Variants in RALGPS1 observed in about 807,000 individuals in gnomAD.
The protein encoded by RALGPS1 is ras-specific guanine nucleotide-releasing factor RalGPS1.
RALGPS1 carries 19 observed loss-of-function variants against 78.8 expected under a neutral mutation model. That is an observed-to-expected ratio of 0.24 (90% confidence interval 0.17 to 0.35). The LOEUF (loss-of-function observed/expected upper bound fraction) is 0.35. Among genes scored for constraint, RALGPS1 ranks in the 10% least tolerant of loss-of-function variants. RALGPS1 has a pLI of 1.00. For synonymous variants in RALGPS1, 228 were observed against 256.3 expected, an observed-to-expected ratio of 0.89 and a Z score of 1.06; for missense variants, 454 against 688.3, an observed-to-expected ratio of 0.66 and a Z score of 3.81.
chr9:126,970,264 C>T (rs891899824), intron 3 of RALGPS1, among the ~76,000 whole-genome samples: 13 of 152,000 alleles, frequency 8.6e-5, no homozygotes, highest in African/African-American at 3.1e-4. Flanking sequence ...GAATATATAC[C>T]ACCAACATCC....
intron 8 of RALGPS1, among the ~76,000 whole-genome samples, chr9:127,158,221 T>G (rs2058812644): frequency 6.6e-6 from 1 of 152,110 alleles, no homozygotes; most frequent in Non-Finnish European, 1.5e-5. Context: ...CATCTAGATA[T>G]TGTATTTTAA....
intron 4 of RALGPS1, among the ~76,000 whole-genome samples, chr9:126,987,202 G>A (rs1441101279): frequency 6.6e-6 from 1 of 152,128 alleles, no homozygotes; most frequent in Non-Finnish European, 1.5e-5. Context: ...CTGGGAGGCT[G>A]AGGTCTGGAC....
chr9:127,039,569 G>A (rs1233248525), intron 5 of RALGPS1, among the ~76,000 whole-genome samples: 2 of 152,178 alleles, frequency 1.3e-5, no homozygotes, highest in Admixed American at 6.5e-5. Flanking sequence ...CCTTAAGGAT[G>A]TGAAGGAGCC....
At chr9:127,197,972 T>A (rs1221505105) in intron 13 of RALGPS1, among the ~76,000 whole-genome samples, 1 of 152,186 alleles carries the variant, frequency 6.6e-6, no homozygotes, top group Non-Finnish European at 1.5e-5. Flanking sequence ...AGCACTCAGC[T>A]GGGCGGCAAA....
chr9:127,112,081 C>T (rs549038841), intron 8 of RALGPS1, among the ~76,000 whole-genome samples: 2 of 152,172 alleles, frequency 1.3e-5, no homozygotes, highest in Admixed American at 6.5e-5. Flanking sequence ...ACCCTGTGCT[C>T]CCTGGGGCCT....
At chr9:126,930,660 G>C (rs1297808055) in intron 1 of RALGPS1, among the ~76,000 whole-genome samples, 1 of 151,920 alleles carries the variant, frequency 6.6e-6, no homozygotes, top group African/African-American at 2.4e-5. Context: ...GTAGAGATGG[G>C]GTTGGCCAAG....
At chr9:127,095,595 G>T (rs2053042422) in intron 8 of RALGPS1, among the ~76,000 whole-genome samples, 1 of 152,188 alleles carries the variant, frequency 6.6e-6, no homozygotes, top group African/African-American at 2.4e-5. Context: ...GCCCTGCAAG[G>T]GAGGAGCTGA....
intron 1 of RALGPS1, 151 bp downstream of exon 1, chr9:126,915,126 G>GC (rs2033975273): frequency 6.9e-6 from 1 of 145,906 alleles, no homozygotes; most frequent in Non-Finnish European, 1.5e-5. Flanking sequence ...CCGGGGAGGG[G>GC]CCTCGGTGCG....
At chr9:126,977,948 C>G (rs2040836485) in intron 4 of RALGPS1, 1 of 450,060 alleles carries the variant, frequency 2.2e-6, no homozygotes, top group Non-Finnish European at 3.9e-6. Context: ...CCCGTCTGGC[C>G]TACTCTGGCA....
chr9:127,007,908 G>A (rs1220918424), intron 4 of RALGPS1, among the ~76,000 whole-genome samples: 1 of 152,208 alleles, frequency 6.6e-6, no homozygotes, highest in Non-Finnish European at 1.5e-5. Context: ...CTGCTCTGTG[G>A]AGAAGAGACC....
Position 127,196,626 on chromosome 9 carries a change from C to T in RALGPS1, c.1190C>T (p.Ser397Phe). Residue 397 changes from serine to phenylalanine, a missense_variant, in exon 13 of 19, where the codon TCC becomes TTC. Coordinates refer to ENST00000259351, the MANE Select transcript of RALGPS1 (RefSeq NM_014636.3). The part of the protein sequence containing the change: ...TSSSAVTNGL[S>F]LGSSESSEFS... Reference sequence around the variant, plus strand: ...TCCTCTGCTGTCACCAATGGACTCTCCCTAGGTAAGCGTCTCCGGCCTGCA... The same window carrying T: ...TCCTCTGCTGTCACCAATGGACTCTTCCTAGGTAAGCGTCTCCGGCCTGCA... The T allele has an allele frequency of 6.3e-7, 1 of 1,595,506 alleles. No individual in the cohort carries two copies. Among genetic ancestry groups the T allele is most frequent in the Non-Finnish European group, 8.5e-7 (1 of 1,169,776 alleles).
chr9:127,154,762 C>T (rs545271799), intron 8 of RALGPS1, among the ~76,000 whole-genome samples: 4 of 152,140 alleles, frequency 2.6e-5, no homozygotes, highest in Admixed American at 1.3e-4. Flanking sequence ...CACAGATACG[C>T]GAGTGCATTA....
At chr9:126,990,693 C>T (rs1247984216) in intron 4 of RALGPS1, among the ~76,000 whole-genome samples, 2 of 152,228 alleles carry the variant, frequency 1.3e-5, no homozygotes, top group African/African-American at 4.8e-5. Context: ...CCTCTCATAG[C>T]CGCCTCATAC....
At chr9:127,172,428 C>A (rs766418597) in intron 10 of RALGPS1, among the ~76,000 whole-genome samples, 11 of 152,174 alleles carry the variant, frequency 7.2e-5, no homozygotes, top group Non-Finnish European at 1.5e-4. Context: ...GGGTTCTGTA[C>A]CAGATTTCCC....
intron 8 of RALGPS1, among the ~76,000 whole-genome samples, chr9:127,114,249 A>T (rs1315663536): frequency 6.6e-6 from 1 of 152,218 alleles, no homozygotes; most frequent in Non-Finnish European, 1.5e-5. Context: ...CAATTTTCTG[A>T]TGCCCACAAA....
At chr9:127,056,708 C>T (rs1290418541) in intron 7 of RALGPS1, among the ~76,000 whole-genome samples, 2 of 152,144 alleles carry the variant, frequency 1.3e-5, no homozygotes, top group Admixed American at 1.3e-4. Flanking sequence ...TATAGGTCTG[C>T]CTCCCCCTTT....
chr9:126,981,236 A>T (rs2041224729), intron 4 of RALGPS1, among the ~76,000 whole-genome samples: 1 of 152,188 alleles, frequency 6.6e-6, no homozygotes, highest in Admixed American at 6.5e-5. Context: ...GGTATTCGGG[A>T]TGGTCCTGGA....
intron 18 of RALGPS1, among the ~76,000 whole-genome samples, chr9:127,216,704 C>T (rs536865819): frequency 2.6e-5 from 4 of 152,166 alleles, no homozygotes; most frequent in South Asian, 2.1e-4. Context: ...GGGTTTTGGT[C>T]GGCAGCCATC....
intron 8 of RALGPS1, among the ~76,000 whole-genome samples, chr9:127,158,273 T>A (rs1230844681): frequency 6.6e-6 from 1 of 152,038 alleles, no homozygotes; most frequent in African/African-American, 2.4e-5. Flanking sequence ...TTTCTGCGAT[T>A]AAAAGTAATG....
Sources: allele counts gnomAD v4.1 joint callset (sites outside exome capture counted in the v4.1 genomes callset), GRCh38; gene constraint gnomAD v4.1.1; transcripts MANE v1.5; gene names NCBI Gene and HGNC (gene_info 2026-07-23, HGNC 2026-07-21).